The following HCN1 variants were observed in gnomAD, a reference collection of about 807,000 sequenced individuals.
The protein encoded by HCN1 is potassium/sodium hyperpolarization-activated cyclic nucleotide-gated channel 1.
A neutral mutation model predicts 78.9 loss-of-function variants in HCN1; 13 were observed. The observed-to-expected ratio is 0.16, with a 90% CI of 0.11 to 0.26. The LOEUF is 0.26. Among genes scored for constraint, HCN1 ranks in the 10% least tolerant of loss-of-function variants. The pLI, the probability that HCN1 is intolerant of heterozygous loss-of-function variation, is 1.00. For synonymous variants in HCN1, 552 were observed against 455.5 expected (o/e 1.21, Z -2.70); for missense variants, 810 against 1,154.3 (o/e 0.70, Z 4.32).
intron 3 of HCN1, among the ~76,000 whole-genome samples, chr5:45,400,892 T>C (rs896292341): frequency 1.3e-5 from 2 of 152,104 alleles, no homozygotes; most frequent in African/African-American, 4.8e-5. Context: ...TGGCTTTTTT[T>C]CCCACAAAAA....
At chr5:45,607,556 T>C (rs1744747429) in intron 2 of HCN1, among the ~76,000 whole-genome samples, 1 of 149,222 alleles carries the variant, frequency 6.7e-6, no homozygotes, top group African/African-American at 2.4e-5. Flanking sequence ...TATTGGGATA[T>C]AGACAAATAG....
At chr5:45,272,380 C>A (rs1027404795) in intron 6 of HCN1, among the ~76,000 whole-genome samples, 1 of 151,990 alleles carries the variant, frequency 6.6e-6, no homozygotes, top group East Asian at 1.9e-4. Flanking sequence ...ATCACTATTT[C>A]ATTTTATTTT....
chr5:45,316,892 C>A (rs1386390163), intron 5 of HCN1, among the ~76,000 whole-genome samples: 2 of 152,138 alleles, frequency 1.3e-5, no homozygotes, highest in Admixed American at 6.6e-5. Context: ...GAATTAAAAA[C>A]CACTGCTCAA....
In HCN1 at chr5:45,501,686, C is replaced by A. The variant is rs116263418; in HGVS notation, c.850-39679G>T. Among the ~76,000 whole-genome samples, 785 of 152,260 alleles carry A rather than the reference C, an allele frequency of 5.2e-3. 10 individuals are homozygous for A. Among genetic ancestry groups the A allele is most frequent in the African/African-American group, 0.017 (699 of 41,548 alleles). On this transcript the variant is annotated intron_variant, in intron 2 of 7. Coordinates refer to ENST00000303230, the MANE Select transcript of HCN1 (RefSeq NM_021072.4). ...AAACTCCTGACCCGGGAGATCCGCA[C>A]GCCTCGGCCTCCCAAAGTGCTAGGA...
chr5:45,376,390 A>AT (rs1334764100), intron 4 of HCN1, among the ~76,000 whole-genome samples: 7 of 145,170 alleles, frequency 4.8e-5, no homozygotes, highest in African/African-American at 1.8e-4. Flanking sequence ...ACTAGAGCTG[A>AT]TTCTCTTGGC....
At chr5:45,490,996 C>T (rs1382272166) in intron 2 of HCN1, among the ~76,000 whole-genome samples, 2 of 152,092 alleles carry the variant, frequency 1.3e-5, no homozygotes, top group Non-Finnish European at 2.9e-5. Context: ...AATTGCCCAC[C>T]TTAACCATAC....
chr5:45,583,425 TA>T (rs1356888111), intron 2 of HCN1, among the ~76,000 whole-genome samples: 2 of 152,198 alleles, frequency 1.3e-5, no homozygotes, highest in Non-Finnish European at 2.9e-5. Context: ...TTTTCTTCTT[TA>T]TTAGTCTTGC....
intron 2 of HCN1, among the ~76,000 whole-genome samples, chr5:45,507,642 A>G (rs1742334814): frequency 6.6e-6 from 1 of 152,206 alleles, no homozygotes; most frequent in Non-Finnish European, 1.5e-5. Context: ...TTGAGAATAA[A>G]GGAGCACACA....
intron 6 of HCN1, among the ~76,000 whole-genome samples, chr5:45,280,861 G>C (rs1035366932): frequency 4.6e-5 from 7 of 152,118 alleles, no homozygotes; most frequent in East Asian, 1.9e-4. Context: ...GTTCATGAGA[G>C]ATAGCTATTT....
At chr5:45,291,329 G>A (rs1471214046) in intron 6 of HCN1, among the ~76,000 whole-genome samples, 3 of 151,820 alleles carry the variant, frequency 2.0e-5, no homozygotes, top group Non-Finnish European at 2.9e-5. Context: ...AATATATCAT[G>A]TTCTGTGTAT....
intron 2 of HCN1, among the ~76,000 whole-genome samples, chr5:45,524,176 C>T (rs367857906): frequency 4.0e-4 from 61 of 151,958 alleles, no homozygotes; most frequent in East Asian, 9.7e-4. Context: ...GTTGTAGATA[C>T]GTGGCGTTAT....
At chr5:45,503,796 C>G (rs1446553632) in intron 2 of HCN1, among the ~76,000 whole-genome samples, 2 of 151,156 alleles carry the variant, frequency 1.3e-5, no homozygotes, top group African/African-American at 4.9e-5. Context: ...CCCCCTTAAC[C>G]CTGCCCCAGG....
chr5:45,616,081 A>G (rs1744944248), intron 2 of HCN1, among the ~76,000 whole-genome samples: 1 of 151,872 alleles, frequency 6.6e-6, no homozygotes, highest in Non-Finnish European at 1.5e-5. Flanking sequence ...TTGAAAAAAA[A>G]AAAAAAGATG....
At chr5:45,286,265 T>TC in intron 6 of HCN1, among the ~76,000 whole-genome samples, 1 of 151,964 alleles carries the variant, frequency 6.6e-6, no homozygotes, top group Non-Finnish European at 1.5e-5. Context: ...CTTTCTGTTC[T>TC]CCAAGTTATA....
intron 2 of HCN1, among the ~76,000 whole-genome samples, chr5:45,587,048 A>G (rs1357532320): frequency 6.6e-6 from 1 of 152,318 alleles, no homozygotes; most frequent in East Asian, 1.9e-4. Flanking sequence ...GTCAGGAAAC[A>G]ACAGGTGCTG....
At chr5:45,307,473 T>C (rs1168802712) in intron 5 of HCN1, among the ~76,000 whole-genome samples, 4 of 152,126 alleles carry the variant, frequency 2.6e-5, no homozygotes, top group African/African-American at 7.2e-5. Flanking sequence ...ACATCAACAG[T>C]GCTAAATCAT....
chr5:45,384,226 A>G (rs1322885275), intron 4 of HCN1, among the ~76,000 whole-genome samples: 2 of 152,120 alleles, frequency 1.3e-5, no homozygotes, highest in East Asian at 1.9e-4. Flanking sequence ...TGCCAAGTAC[A>G]TTTCCTTTCA....
chr5:45,348,939 C>A (rs1019825890), intron 5 of HCN1, among the ~76,000 whole-genome samples: 1 of 152,160 alleles, frequency 6.6e-6, no homozygotes, highest in Non-Finnish European at 1.5e-5. Context: ...CTTTAACACC[C>A]CACTGTCAAC....
rs541179390 is a variant in HCN1 at position 45,502,305 on chromosome 5, TA to T, written c.850-40299del. ...CAACATGGTGAAACCCCATCTCTAC[TA>T]AAAAAAAAAAACAAAACAACAAAAA... On this transcript the variant is annotated intron_variant, in intron 2 of 7. Transcript: ENST00000303230. Among the ~76,000 whole-genome samples the T allele has an allele frequency of 3.5e-3, 483 of 136,614 alleles. 2 individuals carry two copies. The highest frequency in any genetic ancestry group is 0.01 in the African/African-American group (384 of 37,394). The allele number at this position is 136,614 out of a possible 152,430, so 89.6% of individuals were successfully genotyped here.
Sources: gnomAD v4.1 joint callset for allele counts (sites outside exome capture counted in the v4.1 genomes callset) on GRCh38, gnomAD v4.1.1 for gene constraint, MANE v1.5 for transcripts, NCBI Gene and HGNC (gene_info 2026-07-23, HGNC 2026-07-21) for gene names.